The following ADGRL2 variants were observed in gnomAD, a reference collection of about 807,000 sequenced individuals.
The protein encoded by ADGRL2 is calcium-independent alpha-latrotoxin receptor 2.
In ADGRL2, 44 loss-of-function variants were observed where a neutral mutation model predicts 157.4. The ratio of observed to expected loss-of-function variants is 0.28; its 90% CI spans 0.22 to 0.36. ADGRL2 has a LOEUF of 0.36. Ranked by LOEUF, ADGRL2 falls within the 10% of genes least tolerant of loss-of-function variation. The pLI is 1.00. For missense variants in ADGRL2, 1,510 were observed against 1,768.9 expected, an observed-to-expected ratio of 0.85 and a Z score of 2.63; for synonymous variants, 585 against 624.7, an observed-to-expected ratio of 0.94 and a Z score of 0.95.
intron 2 of ADGRL2, among the ~76,000 whole-genome samples, chr1:81,789,362 T>C (rs2087217140): frequency 6.6e-6 from 1 of 152,210 alleles, no homozygotes; most frequent in Non-Finnish European, 1.5e-5. Flanking sequence ...CTAAGAAAGA[T>C]AAAATGATGT....
At chr1:81,313,930 T>C (rs779209155) in intron 1 of ADGRL2, among the ~76,000 whole-genome samples, 1 of 152,208 alleles carries the variant, frequency 6.6e-6, no homozygotes, top group Non-Finnish European at 1.5e-5. Flanking sequence ...CTTCATACTC[T>C]GTCCCCAATC....
chr1:81,902,119 CA>C (rs1204783420), intron 2 of ADGRL2, among the ~76,000 whole-genome samples: 1 of 152,082 alleles, frequency 6.6e-6, no homozygotes, highest in Non-Finnish European at 1.5e-5. Context: ...TAGGTAGATT[CA>C]AAGATTTCCC....
chr1:81,500,825 A>G (rs185698484), intron 2 of ADGRL2, among the ~76,000 whole-genome samples: 34 of 152,296 alleles, frequency 2.2e-4, no homozygotes, highest in Non-Finnish European at 4.1e-4. Context: ...AAAATGGTAA[A>G]TTTTATATAT....
intron 1 of ADGRL2, among the ~76,000 whole-genome samples, chr1:81,761,617 A>C (rs572065227): frequency 9.5e-4 from 145 of 152,184 alleles, no homozygotes; most frequent in African/African-American, 3.4e-3. Context: ...AGTACTTATC[A>C]AAACAAGTGC....
At chr1:81,748,943 T>C (rs894925710) in intron 1 of ADGRL2, among the ~76,000 whole-genome samples, 1 of 152,092 alleles carries the variant, frequency 6.6e-6, no homozygotes, top group Non-Finnish European at 1.5e-5. Context: ...GCTGAGCTTA[T>C]AGGGGTGAGC....
At chr1:81,653,115 G>A (rs546266220) in intron 3 of ADGRL2, among the ~76,000 whole-genome samples, 2 of 152,104 alleles carry the variant, frequency 1.3e-5, no homozygotes, top group African/African-American at 4.8e-5. Context: ...TCAAGTATAT[G>A]TATATACATA....
At chr1:81,447,512 G>A (rs199798561) in intron 2 of ADGRL2, among the ~76,000 whole-genome samples, 15 of 152,208 alleles carry the variant, frequency 9.9e-5, no homozygotes, top group African/African-American at 2.9e-4. Flanking sequence ...GGAAAGTGTC[G>A]CTGTTAAAAA....
intron 1 of ADGRL2, among the ~76,000 whole-genome samples, chr1:81,395,746 C>A (rs1225025180): frequency 3.3e-5 from 5 of 152,130 alleles, no homozygotes; most frequent in African/African-American, 1.2e-4. Context: ...GGTCTAGTTT[C>A]ATTCTTCTGC....
intron 2 of ADGRL2, among the ~76,000 whole-genome samples, chr1:81,543,198 C>T (rs2079930159): frequency 6.6e-6 from 1 of 151,936 alleles, no homozygotes; most frequent in Non-Finnish European, 1.5e-5. Flanking sequence ...TGTTAGACTC[C>T]TAATTCCCAA....
At chr1:81,556,342 A>G (rs1262190545) in intron 2 of ADGRL2, among the ~76,000 whole-genome samples, 2 of 85,286 alleles carry the variant, frequency 2.3e-5, no homozygotes, top group Non-Finnish European at 4.6e-5. Context: ...TTTTTGAGAC[A>G]GAGTCTCACT....
chr1:81,491,415 T>C (rs1469894088), intron 2 of ADGRL2, among the ~76,000 whole-genome samples: 1 of 151,606 alleles, frequency 6.6e-6, no homozygotes, highest in East Asian at 1.9e-4. Context: ...GCTATACTTT[T>C]ATGATTTTGC....
At chr1:81,465,289 T>A (rs1324987415) in intron 2 of ADGRL2, among the ~76,000 whole-genome samples, 4 of 152,186 alleles carry the variant, frequency 2.6e-5, no homozygotes, top group Non-Finnish European at 5.9e-5. Context: ...ATTTGGATTT[T>A]GAGAATGCTT....
chr1:81,907,544 A>G (rs1233799142), intron 3 of ADGRL2, among the ~76,000 whole-genome samples: 1 of 152,202 alleles, frequency 6.6e-6, no homozygotes, highest in Non-Finnish European at 1.5e-5. Flanking sequence ...AATTTGAAAT[A>G]CTTTTTGTAA....
chr1:81,780,469 C>G (rs1223150343), intron 2 of ADGRL2, among the ~76,000 whole-genome samples: 1 of 152,110 alleles, frequency 6.6e-6, no homozygotes, highest in African/African-American at 2.4e-5. Flanking sequence ...TACTCATCTA[C>G]TGATGAGCAA....
rs188683140 is a variant in ADGRL2 at position 81,759,438 on chromosome 1, T to A, written c.-142-2373T>A. ...ACTTTGCTTCTTAGAGTTTAAAAAA[T>A]TTTTACTATACAGTATCAAATTAAA... is the stretch of plus-strand genomic sequence containing the variant. On this transcript the variant is annotated intron_variant, in intron 1 of 20. Coordinates refer to the ADGRL2 transcript ENST00000359929. Among the ~76,000 whole-genome samples the A allele has an allele frequency of 6.9e-3, 1,056 of 152,244 alleles. 8 individuals are homozygous for A. Among genetic ancestry groups the A allele is most frequent in the Non-Finnish European group, 0.012 (788 of 67,962 alleles).
chr1:81,370,049 C>T (rs1042523070), intron 1 of ADGRL2, among the ~76,000 whole-genome samples: 5 of 152,054 alleles, frequency 3.3e-5, no homozygotes, highest in African/African-American at 1.2e-4. Flanking sequence ...GTTAGTTCTA[C>T]CTCACCTGCC....
intron 2 of ADGRL2, among the ~76,000 whole-genome samples, chr1:81,474,441 G>A (rs1392499193): frequency 6.6e-6 from 1 of 152,184 alleles, no homozygotes; most frequent in African/African-American, 2.4e-5. Flanking sequence ...GACATGATAT[G>A]ATTGAAGCAG....
At chr1:81,381,733 A>G (rs761515849) in intron 1 of ADGRL2, among the ~76,000 whole-genome samples, 58 of 152,266 alleles carry the variant, frequency 3.8e-4, no homozygotes, top group Admixed American at 7.2e-4. Context: ...TAGATTTTAT[A>G]ATATTGCATC....
rs147734246 is a variant in ADGRL2 at position 81,348,232 on chromosome 1, T to C, written c.-302+41723T>C. 2.2e-4 allele frequency among the ~76,000 whole-genome samples: 34 copies of C among 152,290 alleles called. No individual in the cohort carries two copies. In the East Asian group the frequency reaches 4.1e-3, roughly 18 times the overall value. Reference sequence around the variant, plus strand: ...ATCTAATGGATCTTAGCTTCTCCTGTAGCTAAGAGTCTCTAAAATGCACCT... The same window carrying C: ...ATCTAATGGATCTTAGCTTCTCCTGCAGCTAAGAGTCTCTAAAATGCACCT... On this transcript the variant is annotated intron_variant, in intron 1 of 24. Coordinates refer to the ADGRL2 transcript ENST00000370721.
Sources: allele counts gnomAD v4.1 joint callset (sites outside exome capture counted in the v4.1 genomes callset), GRCh38; gene constraint gnomAD v4.1.1; transcripts MANE v1.5; gene names NCBI Gene and HGNC (gene_info 2026-07-23, HGNC 2026-07-21).